The following HIBADH variants were observed in gnomAD, a reference collection of about 807,000 sequenced individuals.
The protein encoded by HIBADH is 3-hydroxyisobutyrate dehydrogenase, mitochondrial.
A neutral mutation model predicts 36.1 loss-of-function variants in HIBADH; 25 were observed. The ratio of observed to expected loss-of-function variants is 0.69; its 90% confidence interval spans 0.50 to 0.97. The LOEUF is 0.97. Among genes scored for constraint, HIBADH ranks in the 50% least tolerant of loss-of-function variants. The probability of loss-of-function intolerance (pLI) is 0.00; values close to 1 mark genes in which losing one functional copy is unlikely to be tolerated. For synonymous variants in HIBADH, 160 were observed against 149.5 expected, an observed-to-expected ratio of 1.07 and a Z score of -0.51; for missense variants, 421 against 418.0, an observed-to-expected ratio of 1.01 and a Z score of -0.06.
At chr7:27,611,102 T>C (rs902132453) in intron 4 of HIBADH, among the ~76,000 whole-genome samples, 1 of 152,220 alleles carries the variant, frequency 6.6e-6, no homozygotes, top group Non-Finnish European at 1.5e-5. Context: ...AATTTGGTTT[T>C]CTGGTATGGA....
intron 4 of HIBADH, among the ~76,000 whole-genome samples, chr7:27,614,857 T>C (rs1308937261): frequency 6.6e-6 from 1 of 152,134 alleles, no homozygotes; most frequent in Non-Finnish European, 1.5e-5. Context: ...ACTGGTTCCA[T>C]CCCAATCCAT....
intron 4 of HIBADH, among the ~76,000 whole-genome samples, chr7:27,548,176 A>G (rs1018303266): frequency 7.1e-6 from 1 of 141,524 alleles, no homozygotes; most frequent in Non-Finnish European, 1.5e-5. Context: ...CAAATCCTCT[A>G]AGTCAGCCTC....
At chr7:27,543,232 A>T in intron 4 of HIBADH, 132 bp from the exon 5 acceptor site, 4 of 850,712 alleles carry the variant, frequency 4.7e-6, no homozygotes, top group Non-Finnish European at 7.2e-6. Context: ...GGCATGTATA[A>T]GATACTCTAA....
In HIBADH at chr7:27,629,384, G is replaced by A. The variant is rs561936308; in HGVS notation, c.471C>T (p.Ala157=). The A allele has an allele frequency of 6.2e-7, 1 of 1,610,366 alleles. No individual in the cohort carries two copies. Among genetic ancestry groups the A allele is most frequent in the Non-Finnish European group, 8.5e-7 (1 of 1,178,154 alleles). The change falls in exon 4 of 8, where the codon GCC becomes GCT. Residue 157 remains alanine, a synonymous_variant. Transcript: ENST00000265395. ...VEKMGAVFMD[A]PVSGGVGAAR... Reference sequence around the variant, plus strand: ...GCTACCACTTACCACCAGAAACAGGGGCATCCATGAAAACTGCTCCCATTT... The same window carrying A: ...GCTACCACTTACCACCAGAAACAGGAGCATCCATGAAAACTGCTCCCATTT...
At chr7:27,531,481 C>G (rs371096286) in intron 6 of HIBADH, 133 bp from the exon 7 acceptor site, 8 of 726,904 alleles carry the variant, frequency 1.1e-5, no homozygotes, top group Non-Finnish European at 1.5e-5. Flanking sequence ...CAGGTTGATA[C>G]GAGAGTGAAG....
chr7:27,659,108 C>T (rs904219426), intron 1 of HIBADH, among the ~76,000 whole-genome samples: 1 of 152,112 alleles, frequency 6.6e-6, no homozygotes, highest in African/African-American at 2.4e-5. Flanking sequence ...ACAAAAAGGA[C>T]CAATAATATT....
chr7:27,580,132 T>C (rs10807841), intron 4 of HIBADH, among the ~76,000 whole-genome samples: 115,997 of 152,132 alleles, frequency 0.76, 44,728 homozygotes, highest in East Asian at 0.94. Flanking sequence ...AACAAACATG[T>C]TTCCCCTGAT....
At chr7:27,559,821 T>A (rs934612379) in intron 4 of HIBADH, among the ~76,000 whole-genome samples, 1 of 152,222 alleles carries the variant, frequency 6.6e-6, no homozygotes, top group Non-Finnish European at 1.5e-5. Flanking sequence ...TCTATTAAAC[T>A]AAGCATCACT....
intron 4 of HIBADH, among the ~76,000 whole-genome samples, chr7:27,570,247 GGA>G (rs1302163605): frequency 2.0e-5 from 3 of 152,176 alleles, no homozygotes; most frequent in African/African-American, 7.2e-5. Context: ...AGGAGAGAAA[GGA>G]CAGTATATTT....
chr7:27,654,935 C>T lies in HIBADH; in HGVS notation c.92-5302G>A, dbSNP rs936526760. Among the ~76,000 whole-genome samples the T allele has an allele frequency of 9.2e-5, 14 of 152,244 alleles. No individual in the cohort carries two copies. The East Asian group carries it at 9.6e-4, about 10-fold the overall frequency. Reference sequence around the variant, plus strand: ...CTCCTGAGCTCAAGCAATCAGTGGGCCTCAGCCTCCTAAAGTTCTAGGAGC... The same window carrying T: ...CTCCTGAGCTCAAGCAATCAGTGGGTCTCAGCCTCCTAAAGTTCTAGGAGC... On this transcript the variant is annotated intron_variant, in intron 1 of 7. Transcript: ENST00000265395.
At chr7:27,550,186 G>A (rs1452270871) in intron 4 of HIBADH, among the ~76,000 whole-genome samples, 2 of 152,118 alleles carry the variant, frequency 1.3e-5, no homozygotes, top group Admixed American at 6.5e-5. Flanking sequence ...TGGGATTACA[G>A]GCATGAGTCA....
intron 2 of HIBADH, among the ~76,000 whole-genome samples, chr7:27,642,861 C>A (rs537185170): frequency 1.3e-5 from 2 of 151,970 alleles, no homozygotes; most frequent in Non-Finnish European, 2.9e-5. Context: ...CCGTTTTAGC[C>A]GGGATGGTCT....
intron 4 of HIBADH, among the ~76,000 whole-genome samples, chr7:27,564,374 TCAA>T (rs1424258075): frequency 6.6e-6 from 1 of 152,198 alleles, no homozygotes; most frequent in Admixed American, 6.5e-5. Context: ...GAGCTATAGA[TCAA>T]CAACCTTTTT....
At chr7:27,557,603 G>T (rs1485695437) in intron 4 of HIBADH, among the ~76,000 whole-genome samples, 1 of 152,176 alleles carries the variant, frequency 6.6e-6, no homozygotes, top group African/African-American at 2.4e-5. Flanking sequence ...CTGTTTCCAA[G>T]ATGGCAGCTT....
At chr7:27,656,632 T>G (rs183410104) in intron 1 of HIBADH, among the ~76,000 whole-genome samples, 77 of 152,328 alleles carry the variant, frequency 5.1e-4, no homozygotes, top group South Asian at 2.9e-3. Context: ...CACGAAACAG[T>G]ACTTACACCT....
chr7:27,541,822 TAA>T (rs1304811193), intron 5 of HIBADH: 2 of 382,126 alleles, frequency 5.2e-6, no homozygotes, highest in African/African-American at 4.3e-5. Context: ...CACAATTTAC[TAA>T]AGAGATGAAC....
At chr7:27,659,677 G>C (rs1271550913) in intron 1 of HIBADH, among the ~76,000 whole-genome samples, 3 of 152,116 alleles carry the variant, frequency 2.0e-5, no homozygotes, top group Non-Finnish European at 2.9e-5. Flanking sequence ...AGCCATGATT[G>C]CACCACTGCA....
chr7:27,585,737 AAGTG>A (rs1784852717), intron 4 of HIBADH, among the ~76,000 whole-genome samples: 1 of 152,168 alleles, frequency 6.6e-6, no homozygotes, highest in African/African-American at 2.4e-5. Flanking sequence ...GTTGTCCTAA[AAGTG>A]AGTGAGTTTG....
At chr7:27,559,048 T>G (rs1784430737) in intron 4 of HIBADH, among the ~76,000 whole-genome samples, 1 of 152,192 alleles carries the variant, frequency 6.6e-6, no homozygotes, top group African/African-American at 2.4e-5. Context: ...TGGATGGCTG[T>G]GAGGGAAGGA....
Sources: gnomAD v4.1 joint callset for allele counts (sites outside exome capture counted in the v4.1 genomes callset) on GRCh38, gnomAD v4.1.1 for gene constraint, MANE v1.5 for transcripts, NCBI Gene and HGNC (gene_info 2026-07-23, HGNC 2026-07-21) for gene names.